C1QC: variants seen among roughly 807,000 people sequenced by gnomAD.
C1QC encodes the protein complement C1q C chain.
A neutral mutation model predicts 5.9 loss-of-function variants in C1QC; 4 were observed. That is an observed-to-expected ratio of 0.68 (90% CI 0.33 to 1.55). The LOEUF is 1.55. Ranked by LOEUF, C1QC falls within the 40% of genes most tolerant of loss-of-function variation. The pLI is 0.06. For missense variants in C1QC, 299 were observed against 326.9 expected (o/e 0.91, Z 0.66); for synonymous variants, 166 against 153.8 (o/e 1.08, Z -0.59).
At position 22,647,777 on chromosome 1, in the gene C1QC, C is replaced by T. The variant is rs765204961; in HGVS notation, c.732C>T (p.Pro244=). The T allele has an allele frequency of 1.0e-5, 16 of 1,599,600 alleles. No homozygotes were observed. The highest frequency in any genetic ancestry group is 7.7e-5 in the South Asian group (7 of 91,084). ...TCTTCTCCGGCTTCCTGCTCTTCCC[C>T]GACTAGGGCGGGCAGATGCGCTCGA... ...DSVFSGFLLF[P]D is the part of the protein sequence containing the mutation. The change falls in exon 3 of 3, where the codon CCC becomes CCT. Residue 244 remains proline (P), a synonymous_variant. Transcript: ENST00000374640.
Position 22,647,682 on chromosome 1 carries a change from G to C in C1QC, c.637G>C (p.Val213Leu), listed in dbSNP as rs757221100. The C allele has an allele frequency of 4.3e-5, 69 of 1,608,790 alleles. No individual in the cohort carries two copies. Among genetic ancestry groups the C allele is most frequent in the Non-Finnish European group, 5.5e-5 (65 of 1,179,552 alleles). ...GGGCGGTGTGCTGCTGAGGTTGCAG[G>C]TGGGCGAGGAGGTGTGGCTGGCTGT... ...NSGGVLLRLQ[V>L]GEEVWLAVND... The change falls in exon 3 of 3, where the codon GTG (valine) becomes CTG (leucine). Residue 213 changes from valine (V) to leucine (L), a missense_variant. Physicochemically the swap from Val to Leu is conservative, Grantham distance 32. Coordinates refer to ENST00000374640, the MANE Select transcript of C1QC (RefSeq NM_172369.5).
In C1QC at chr1:22,644,390, A is replaced by G. The variant is rs76828554; in HGVS notation, c.181+186A>G. On this transcript the variant is annotated intron_variant, in intron 2 of 2. Transcript: ENST00000374640. ...ATCCTCAGAGCCCAGGCTTCAGGCCACCCCAGAGGTGACCTTGGGCCCAGC... is the reference window on the plus strand; with the variant it reads ...ATCCTCAGAGCCCAGGCTTCAGGCCGCCCCAGAGGTGACCTTGGGCCCAGC... Among the ~76,000 whole-genome samples the G allele has an allele frequency of 0.015, 2,329 of 152,186 alleles. 126 individuals carry two copies. The East Asian group carries it at 0.17, about 11-fold the overall frequency.
chr1:22,646,199 A>G (rs1292509199), intron 2 of C1QC, among the ~76,000 whole-genome samples: 1 of 152,142 alleles, frequency 6.6e-6, no homozygotes, highest in East Asian at 1.9e-4. Context: ...GCCAGCTGTC[A>G]TGGGGGCTGA....
rs897874913 is a variant in C1QC at position 22,643,848 on chromosome 1, G to A, written c.-14+134G>A. 1.0e-4 allele frequency: 143 copies of A among 1,366,678 alleles called. 1 individual carries two copies. The South Asian group carries it at 2.1e-3, about 20-fold the overall frequency. 84.7% of individuals were successfully genotyped at this position (1,366,678 alleles called of 1,614,324 possible). On this transcript the variant is annotated intron_variant, in intron 1 of 2. Coordinates refer to ENST00000374640, the MANE Select transcript of C1QC (RefSeq NM_172369.5). ...GGGTTCCCACTCCTGCTGGGCCCCG[G>A]GGCCTGGGCTGAAGAAAAGGCCCCA...
rs559089905 is a variant in C1QC, at chr1:22,643,846, C to T, written c.-14+132C>T. The T allele has an allele frequency of 4.2e-4, 577 of 1,364,188 alleles. 3 individuals are homozygous for T. In the African/African-American group the frequency reaches 7.2e-3, roughly 17 times the overall value. 84.5% of individuals were successfully genotyped at this position (1,364,188 alleles called of 1,614,324 possible). On this transcript the variant is annotated intron_variant, in intron 1 of 2. Transcript: ENST00000374640. ...GAGGGTTCCCACTCCTGCTGGGCCC[C>T]GGGGCCTGGGCTGAAGAAAAGGCCC...
chr1:22,646,292 C>T lies in C1QC; in HGVS notation c.182-935C>T, dbSNP rs138219532. ...TTCTATTCGGCTCCTTCCAGTGGTT[C>T]CCATGTGCTAACCTGGGGAATCCAT... is the stretch of plus-strand genomic sequence containing the variant. On this transcript the variant is annotated intron_variant, in intron 2 of 2. Transcript: ENST00000374640. Among the ~76,000 whole-genome samples, 4 of 152,280 alleles carry T rather than the reference C, an allele frequency of 2.6e-5. No individual in the cohort carries two copies. The East Asian group carries it at 7.7e-4, about 29-fold the overall frequency.
chr1:22,644,335 G>A, intron 2 of C1QC, 131 bp downstream of exon 2: 1 of 1,247,990 alleles, frequency 8.0e-7, no homozygotes, highest in Non-Finnish European at 1.1e-6. Flanking sequence ...CAGGGCAGAG[G>A]TGGACTCTCA....
Position 22,647,610 on chromosome 1 carries a change from G to C in C1QC, c.565G>C (p.Val189Leu). ...GCTGCTGTACCGCAGCGGCGTCAAAGTGGTCACCTTCTGTGGCCACACGTC... is the reference window on the plus strand; with the variant it reads ...GCTGCTGTACCGCAGCGGCGTCAAACTGGTCACCTTCTGTGGCCACACGTC... ...CVLLYRSGVK[V>L]VTFCGHTSKT... The change falls in exon 3 of 3, where the codon GTG becomes CTG. Residue 189 changes from valine to leucine, a missense_variant. This residue lies in a region of C1QC where 144 missense variants were observed against 155.1 expected (regional missense o/e 0.93). Coordinates refer to ENST00000374640, the MANE Select transcript of C1QC (RefSeq NM_172369.5). The C allele has an allele frequency of 6.2e-7, 1 of 1,614,220 alleles. No homozygotes were observed. The highest frequency in any genetic ancestry group is 8.5e-7 in the Non-Finnish European group (1 of 1,180,046).
chr1:22,646,018 A>G (rs1461623236), intron 2 of C1QC, among the ~76,000 whole-genome samples: 2 of 152,226 alleles, frequency 1.3e-5, no homozygotes, highest in African/African-American at 4.8e-5. Flanking sequence ...GATTTAGATA[A>G]GGGGAGAAGA....
chr1:22,644,174 G>A lies in C1QC; in HGVS notation c.151G>A (p.Asp51Asn), dbSNP rs755860003. 19 of 1,585,628 alleles carry A rather than the reference G, an allele frequency of 1.2e-5. No individual in the cohort carries two copies. The highest frequency in any genetic ancestry group is 1.7e-4 in the Middle Eastern group (1 of 6,040). Residue 51 changes from aspartate (D) to asparagine (N), a missense_variant, in exon 2 of 3, where the codon GAC (aspartate) becomes AAC (asparagine). Physicochemically the swap from Asp to Asn is conservative, Grantham distance 23. Transcript: ENST00000374640. ...CGGGGCACCAGGGAAGGATGGGTAC[G>A]ACGGACTGCCGGGGCCCAAGGGGGA... ...LPGAPGKDGYDGLPGPKGEPG... is the reference protein window; with the variant it reads ...LPGAPGKDGYNGLPGPKGEPG...
intron 2 of C1QC, 147 bp downstream of exon 2, chr1:22,644,351 T>G: frequency 8.8e-7 from 1 of 1,140,800 alleles, no homozygotes; most frequent in Non-Finnish European, 1.2e-6. Flanking sequence ...TCTCACGGTG[T>G]GTCTGGCTCC....
intron 2 of C1QC, among the ~76,000 whole-genome samples, chr1:22,646,221 T>C (rs1008136888): frequency 6.6e-6 from 1 of 152,086 alleles, no homozygotes; most frequent in African/African-American, 2.4e-5. Flanking sequence ...GTGGGCTGAA[T>C]GGGGCTGGGG....
intron 2 of C1QC, among the ~76,000 whole-genome samples, chr1:22,644,752 GC>G (rs1027157514): frequency 3.8e-4 from 58 of 152,292 alleles, no homozygotes; most frequent in African/African-American, 1.1e-3. Context: ...ATATAAAACA[GC>G]CCTGAGCACC....
Position 22,644,041 on chromosome 1 carries a change from C to A in C1QC, c.18C>A (p.Ser6Arg), listed in dbSNP as rs767376934. The A allele has an allele frequency of 6.3e-7, 1 of 1,588,514 alleles. No homozygotes were observed. The highest frequency in any genetic ancestry group is 1.8e-5 in the Admixed American group (1 of 55,536). ...TCTCCGGGATGGACGTGGGGCCCAG[C>A]TCCCTGCCCCACCTTGGGCTGAAGC... MDVGP[S>R]SLPHLGLKLL... Residue 6 changes from serine (S) to arginine (R), a missense_variant, in exon 2 of 3, where the codon AGC becomes AGA. Physicochemically the swap from Ser to Arg is moderately radical, Grantham distance 110. Around this residue, in one of 3 missense-constraint regions of C1QC, gnomAD observed 146 missense variants for 144.1 expected, o/e 1.01. Transcript: ENST00000374640.
rs950938996 is a variant in C1QC at position 22,648,050 on chromosome 1, T to C, written c.*267T>C. 5.6e-6 allele frequency: 3 copies of C among 535,008 alleles called. No individual in the cohort carries two copies. Among genetic ancestry groups the C allele is most frequent in the Non-Finnish European group, 9.9e-6 (3 of 302,218 alleles). 33.1% of individuals were successfully genotyped at this position (535,008 alleles called of 1,614,324 possible). On this transcript the variant is annotated 3_prime_UTR_variant, in exon 3 of 3. Transcript: ENST00000374640. Reference sequence around the variant, plus strand: ...TCTGGTACTGCCATTCTTTTTTTTTTTTTTTTCAAGTATTGGAAGGGGTGG... The same window carrying C: ...TCTGGTACTGCCATTCTTTTTTTTTCTTTTTTCAAGTATTGGAAGGGGTGG...
chr1:22,645,442 A>C (rs890918067), intron 2 of C1QC, among the ~76,000 whole-genome samples: 2 of 152,228 alleles, frequency 1.3e-5, no homozygotes, highest in Non-Finnish European at 2.9e-5. Context: ...GCTGGGGTTC[A>C]GAGAGATTGA....
intron 1 of C1QC, 141 bp from the exon 2 acceptor site, chr1:22,643,870 C>T: frequency 7.3e-7 from 1 of 1,377,858 alleles, no homozygotes; most frequent in Non-Finnish European, 9.5e-7. Context: ...AAGAAAAGGC[C>T]CCACCATCCA....
rs666537 is a variant in C1QC at position 22,644,432 on chromosome 1, T to C, written c.181+228T>C. 0.49 allele frequency among the ~76,000 whole-genome samples: 74,466 copies of C among 151,932 alleles called. 20,484 individuals are homozygous for C. The highest frequency in any genetic ancestry group is 0.75 in the African/African-American group (30,917 of 41,472). ...GGGCCCAGCGCACTTCCATCTTCCTTCTCCTCCTTACCCGATTATAGGGAG... is the reference window on the plus strand; with the variant it reads ...GGGCCCAGCGCACTTCCATCTTCCTCCTCCTCCTTACCCGATTATAGGGAG... On this transcript the variant is annotated intron_variant, in intron 2 of 2. Transcript: ENST00000374640.
chr1:22,644,948 T>C (rs1488680948), intron 2 of C1QC, among the ~76,000 whole-genome samples: 1 of 152,044 alleles, frequency 6.6e-6, no homozygotes, highest in African/African-American at 2.4e-5. Flanking sequence ...GCTGAGGCTA[T>C]GAATGGGTGA....
Sources: allele counts gnomAD v4.1 joint callset (sites outside exome capture counted in the v4.1 genomes callset), GRCh38; gene constraint gnomAD v4.1.1; regional missense constraint gnomAD v4.1.1; transcripts MANE v1.5; gene names NCBI Gene and HGNC (gene_info 2026-07-23, HGNC 2026-07-21).